The following ZSWIM6 variants were observed in gnomAD, a reference collection of about 807,000 sequenced individuals.
ZSWIM6 encodes the protein zinc finger SWIM domain-containing protein 6.
In ZSWIM6, 9 loss-of-function variants were observed where a neutral mutation model predicts 113.2. The observed-to-expected ratio is 0.08, with a 90% CI of 0.05 to 0.14. The LOEUF is 0.14. Ranked by LOEUF, ZSWIM6 falls within the 10% of genes least tolerant of loss-of-function variation. The pLI is 1.00. For synonymous variants in ZSWIM6, 611 were observed against 606.5 expected (o/e 1.01, Z -0.11); for missense variants, 1,162 against 1,552.2 (o/e 0.75, Z 4.22).
At chr5:61,422,619 G>A (rs941041798) in intron 1 of ZSWIM6, among the ~76,000 whole-genome samples, 1 of 152,132 alleles carries the variant, frequency 6.6e-6, no homozygotes, top group African/African-American at 2.4e-5. Flanking sequence ...TTGGCATCTT[G>A]ATTGGTATTG....
chr5:61,522,239 A>G (rs1749152315), intron 5 of ZSWIM6, among the ~76,000 whole-genome samples: 1 of 152,058 alleles, frequency 6.6e-6, no homozygotes, highest in South Asian at 2.1e-4. Context: ...TTCCCTTTCA[A>G]AATGAAATTC....
At chr5:61,518,482 T>C (rs1749022302) in intron 4 of ZSWIM6, among the ~76,000 whole-genome samples, 1 of 152,120 alleles carries the variant, frequency 6.6e-6, no homozygotes, top group Admixed American at 6.6e-5. Flanking sequence ...ATTGCCATTC[T>C]AACTGGTGTG....
chr5:61,356,660 TATATATAATATATATAACATA>T (rs1744913223), intron 1 of ZSWIM6, among the ~76,000 whole-genome samples: 1 of 143,194 alleles, frequency 7.0e-6, no homozygotes, highest in South Asian at 2.1e-4. Flanking sequence ...AGGTTTGATA[TATATATAATATATATAACATA>T]ATATATAATA....
chr5:61,363,625 G>T (rs960583009), intron 1 of ZSWIM6, among the ~76,000 whole-genome samples: 2 of 152,136 alleles, frequency 1.3e-5, no homozygotes, highest in African/African-American at 2.4e-5. Context: ...GGCTTGGGGG[G>T]TGGGGAGAGA....
At chr5:61,363,743 G>A (rs1401351309) in intron 1 of ZSWIM6, among the ~76,000 whole-genome samples, 1 of 152,094 alleles carries the variant, frequency 6.6e-6, no homozygotes, top group Non-Finnish European at 1.5e-5. Flanking sequence ...TATTAAAAAG[G>A]CACACAGTTT....
chr5:61,543,431 A>C lies in ZSWIM6; in HGVS notation c.2786-24A>C. On this transcript the variant is annotated intron_variant, in intron 13 of 13. Coordinates refer to ENST00000252744, the MANE Select transcript of ZSWIM6 (RefSeq NM_020928.2). This position sits in a 1 kb window ranked among gnomAD's most constrained non-coding sequence, Gnocchi z 4.3. ...TCTGGGCAGCCTCCTCGTCAGTAAT[A>C]GAGCCTGTTTGTGTTCCTTGCAGGG... 6.5e-7 allele frequency: 1 copy of C among 1,536,600 alleles called. No homozygotes were observed. Among genetic ancestry groups the C allele is most frequent in the Non-Finnish European group, 8.8e-7 (1 of 1,138,888 alleles).
At chr5:61,367,537 T>C (rs1254377118) in intron 1 of ZSWIM6, among the ~76,000 whole-genome samples, 6 of 152,198 alleles carry the variant, frequency 3.9e-5, no homozygotes, top group Non-Finnish European at 7.3e-5. Flanking sequence ...CATGAGCCAC[T>C]TTACCCAGGT....
At chr5:61,405,620 G>A (rs973387399) in intron 1 of ZSWIM6, among the ~76,000 whole-genome samples, 2 of 152,294 alleles carry the variant, frequency 1.3e-5, no homozygotes, top group African/African-American at 4.8e-5. Context: ...GAAAACTTGA[G>A]CAAAGACAAC....
At chr5:61,503,767 G>T (rs1328873228) in intron 4 of ZSWIM6, among the ~76,000 whole-genome samples, 2 of 152,162 alleles carry the variant, frequency 1.3e-5, no homozygotes, top group African/African-American at 4.8e-5. Context: ...AGGGTCATAT[G>T]TAGACCACAT....
chr5:61,498,023 C>T (rs1279152824), intron 4 of ZSWIM6, among the ~76,000 whole-genome samples: 2 of 152,156 alleles, frequency 1.3e-5, no homozygotes, highest in African/African-American at 2.4e-5. Context: ...AGGGGATACA[C>T]TGTAACCTCG....
intron 4 of ZSWIM6, among the ~76,000 whole-genome samples, chr5:61,516,710 A>G (rs1748954218): frequency 1.3e-5 from 2 of 151,814 alleles, no homozygotes; most frequent in Non-Finnish European, 2.9e-5. Context: ...AAAGTCAAAA[A>G]TAATCTATTT....
At chr5:61,426,431 C>T (rs997229898) in intron 1 of ZSWIM6, among the ~76,000 whole-genome samples, 9 of 152,166 alleles carry the variant, frequency 5.9e-5, no homozygotes, top group African/African-American at 1.7e-4. Context: ...CACATACATA[C>T]GCACTTATAT....
intron 5 of ZSWIM6, among the ~76,000 whole-genome samples, chr5:61,523,360 T>C (rs548226267): frequency 6.6e-6 from 1 of 152,374 alleles, no homozygotes; most frequent in South Asian, 2.1e-4. Flanking sequence ...CTGCCTCTGC[T>C]GAGGTAATTT....
At chr5:61,530,858 G>A (rs573203167) in intron 8 of ZSWIM6, among the ~76,000 whole-genome samples, 5 of 152,276 alleles carry the variant, frequency 3.3e-5, no homozygotes, top group Admixed American at 2.0e-4. Context: ...ATGGACTGTG[G>A]GTAACCCAGA....
At chr5:61,367,140 T>C (rs1304619150) in intron 1 of ZSWIM6, among the ~76,000 whole-genome samples, 2 of 152,336 alleles carry the variant, frequency 1.3e-5, no homozygotes, top group East Asian at 3.9e-4. Flanking sequence ...GTGTTACAGC[T>C]GAGAGTTTTG....
intron 9 of ZSWIM6, among the ~76,000 whole-genome samples, chr5:61,533,270 T>C (rs1749489828): frequency 6.6e-6 from 1 of 152,212 alleles, no homozygotes; most frequent in African/African-American, 2.4e-5. Context: ...CTGTAAATGC[T>C]AGAAGATTGA....
intron 2 of ZSWIM6, 54 bp from the exon 3 acceptor site, chr5:61,490,732 T>C (rs1049020507): frequency 1.3e-6 from 2 of 1,517,498 alleles, no homozygotes; most frequent in Admixed American, 2.3e-5. Context: ...TTAATCCTTT[T>C]AGCACAGAGT....
At chr5:61,491,834 A>C (rs1174323682) in intron 3 of ZSWIM6, among the ~76,000 whole-genome samples, 5 of 151,990 alleles carry the variant, frequency 3.3e-5, no homozygotes, top group Admixed American at 3.3e-4. Context: ...AGTTCAAAAG[A>C]ATTAGAGTAA....
chr5:61,519,418 A>G (rs1749052113), intron 4 of ZSWIM6, among the ~76,000 whole-genome samples: 1 of 152,070 alleles, frequency 6.6e-6, no homozygotes, highest in Admixed American at 6.6e-5. Context: ...TTTTATTTCA[A>G]TGCTAGGAGA....
Sources: allele counts gnomAD v4.1 joint callset (sites outside exome capture counted in the v4.1 genomes callset), GRCh38; gene constraint gnomAD v4.1.1; non-coding constraint Gnocchi (gnomAD v3.1); transcripts MANE v1.5; gene names NCBI Gene and HGNC (gene_info 2026-07-23, HGNC 2026-07-21).